The following ROBO2 variants were observed in gnomAD, a reference collection of about 807,000 sequenced individuals.
ROBO2 encodes the protein roundabout homolog 2.
In ROBO2, 53 loss-of-function variants were observed where a neutral mutation model predicts 160.8. The ratio of observed to expected loss-of-function variants is 0.33; its 90% CI spans 0.26 to 0.41. The LOEUF (loss-of-function observed/expected upper bound fraction) is 0.41, where lower values mean the gene tolerates loss of function less well. ROBO2 is among the 10% of genes least tolerant of loss of function. The pLI is 1.00. For missense variants in ROBO2, 1,577 were observed against 1,722.4 expected (o/e 0.92, Z 1.49); for synonymous variants, 664 against 611.7 (o/e 1.09, Z -1.26).
chr3:77,143,725 G>A (rs2076906816), intron 2 of ROBO2, among the ~76,000 whole-genome samples: 1 of 152,018 alleles, frequency 6.6e-6, no homozygotes. Context: ...GAAATCAGTA[G>A]TGCCTATTTT....
At chr3:76,632,789 A>AT (rs2090105226) in intron 2 of ROBO2, among the ~76,000 whole-genome samples, 1 of 152,206 alleles carries the variant, frequency 6.6e-6, no homozygotes, top group African/African-American at 2.4e-5. Flanking sequence ...GGGATGTCTA[A>AT]TTTTTTGTGA....
intron 2 of ROBO2, among the ~76,000 whole-genome samples, chr3:76,128,139 C>T (rs993028695): frequency 6.6e-6 from 1 of 151,674 alleles, no homozygotes; most frequent in Non-Finnish European, 1.5e-5. Context: ...CGTGATCCAC[C>T]CACCTCGGCC....
At chr3:76,287,241 AG>A (rs1393243666) in intron 2 of ROBO2, among the ~76,000 whole-genome samples, 1 of 151,978 alleles carries the variant, frequency 6.6e-6, no homozygotes, top group Non-Finnish European at 1.5e-5. Context: ...TAATAGCATT[AG>A]AGAACTCATA....
intron 2 of ROBO2, among the ~76,000 whole-genome samples, chr3:77,342,746 T>C (rs1184946019): frequency 6.6e-6 from 1 of 152,156 alleles, no homozygotes; most frequent in Non-Finnish European, 1.5e-5. Context: ...TATATTCTCA[T>C]TGTGTCCCTT....
chr3:76,810,165 C>A (rs2065048556), intron 2 of ROBO2, among the ~76,000 whole-genome samples: 1 of 151,800 alleles, frequency 6.6e-6, no homozygotes, highest in African/African-American at 2.4e-5. Context: ...AGAAAATGAC[C>A]AGTGTTAATC....
chr3:76,391,760 C>T lies in ROBO2; in HGVS notation c.109+454158C>T, dbSNP rs999498394. 1.1e-4 allele frequency among the ~76,000 whole-genome samples: 16 copies of T among 152,248 alleles called. 1 individual carries two copies. The highest frequency in any genetic ancestry group is 3.6e-4 in the African/African-American group (15 of 41,548). ...TCCTGACCTTGTGATCTGCCCGTCT[C>T]GACCTCCCAAAGTGCTGGAATTAAA... On this transcript the variant is annotated intron_variant, in intron 2 of 26. Coordinates refer to the ROBO2 transcript ENST00000487694.
At chr3:76,517,053 A>C (rs2081377114) in intron 2 of ROBO2, among the ~76,000 whole-genome samples, 1 of 152,194 alleles carries the variant, frequency 6.6e-6, no homozygotes, top group African/African-American at 2.4e-5. Context: ...TTGAAAGAAA[A>C]ACAGGTTTAA....
intron 2 of ROBO2, among the ~76,000 whole-genome samples, chr3:76,973,749 C>T (rs2059683084): frequency 6.6e-6 from 1 of 152,108 alleles, no homozygotes; most frequent in African/African-American, 2.4e-5. Context: ...AGATCTTGTG[C>T]TAGAGAAGAA....
At chr3:77,259,326 GA>G (rs1340535642) in intron 2 of ROBO2, among the ~76,000 whole-genome samples, 1 of 152,214 alleles carries the variant, frequency 6.6e-6, no homozygotes, top group Non-Finnish European at 1.5e-5. Context: ...AAGCACCATA[GA>G]AGTTGCGAAT....
intron 2 of ROBO2, among the ~76,000 whole-genome samples, chr3:77,352,001 G>A (rs552568404): frequency 7.9e-5 from 12 of 151,652 alleles, no homozygotes; most frequent in Middle Eastern, 3.4e-3. Context: ...AATGCTAAAT[G>A]ACGAGTTAAT....
chr3:76,068,697 A>G (rs575949976), intron 2 of ROBO2, among the ~76,000 whole-genome samples: 32 of 152,306 alleles, frequency 2.1e-4, no homozygotes, highest in South Asian at 8.3e-4. Context: ...TCCTGAGAGC[A>G]AAACTCCATG....
intron 2 of ROBO2, among the ~76,000 whole-genome samples, chr3:76,844,690 G>C (rs1031001890): frequency 6.6e-6 from 1 of 151,838 alleles, no homozygotes; most frequent in African/African-American, 2.4e-5. Flanking sequence ...GTCCAGGAAA[G>C]CAGAAGTTGC....
chr3:76,610,650 G>T (rs889307231), intron 2 of ROBO2, among the ~76,000 whole-genome samples: 1 of 141,120 alleles, frequency 7.1e-6, no homozygotes, highest in Non-Finnish European at 1.5e-5. Context: ...GCAGGAGCAC[G>T]TTCAGCTCTT....
intron 2 of ROBO2, among the ~76,000 whole-genome samples, chr3:76,111,672 A>T (rs1201625476): frequency 1.3e-5 from 2 of 152,076 alleles, no homozygotes; most frequent in Non-Finnish European, 2.9e-5. Flanking sequence ...GATTCAAAAT[A>T]TAGCTGTCCT....
chr3:77,274,967 A>G (rs1580568854), intron 2 of ROBO2, among the ~76,000 whole-genome samples: 1 of 152,252 alleles, frequency 6.6e-6, no homozygotes, highest in East Asian at 1.9e-4. Context: ...AGTAGAGGAT[A>G]ACATTCTTTT....
At chr3:76,899,390 A>C (rs2075059537) in intron 2 of ROBO2, among the ~76,000 whole-genome samples, 1 of 152,158 alleles carries the variant, frequency 6.6e-6, no homozygotes, top group African/African-American at 2.4e-5. Context: ...CAACGGAGGT[A>C]AAAAATACCA....
At chr3:77,178,559 G>C (rs188579726) in intron 2 of ROBO2, among the ~76,000 whole-genome samples, 75 of 152,124 alleles carry the variant, frequency 4.9e-4, no homozygotes, top group African/African-American at 1.7e-3. Flanking sequence ...AGGTGAGAAT[G>C]CAAGCTCAAG....
At chr3:77,558,000 G>A (rs376227245) in exon 9 of ROBO2, 1 of 1,613,150 alleles carries the variant, frequency 6.2e-7, no homozygotes, top group Non-Finnish European at 8.5e-7. Flanking sequence ...CCAAACGCTG[G>A]CAGTGGATGG....
chr3:76,462,606 T>TAA lies in ROBO2; in HGVS notation c.109+525018_109+525019dup, dbSNP rs61062093. On this transcript the variant is annotated intron_variant, in intron 2 of 26. Transcript: ENST00000487694. Reference sequence around the variant, plus strand: ...ACATGTACCCTAAAACTTAAAGTATTAAAAAAAAAAAAAAAGAATAAGATA... The same window carrying TAA: ...ACATGTACCCTAAAACTTAAAGTATTAAAAAAAAAAAAAAAAAGAATAAGATA... 9.7e-5 allele frequency among the ~76,000 whole-genome samples: 13 copies of TAA among 134,538 alleles called. No homozygotes were observed. The East Asian group carries it at 1.1e-3, about 11-fold the overall frequency. 88.3% of individuals were successfully genotyped at this position (134,538 alleles called of 152,430 possible).
Sources: gnomAD v4.1 joint callset for allele counts (sites outside exome capture counted in the v4.1 genomes callset) on GRCh38, gnomAD v4.1.1 for gene constraint, MANE v1.5 for transcripts, NCBI Gene and HGNC (gene_info 2026-07-23, HGNC 2026-07-21) for gene names.